TFB2M: variants seen among roughly 807,000 people sequenced by gnomAD.
The protein encoded by TFB2M is dimethyladenosine transferase 2, mitochondrial.
In TFB2M, 44 loss-of-function variants were observed where a neutral mutation model predicts 41.3. The ratio of observed to expected loss-of-function variants is 1.07; its 90% confidence interval spans 0.84 to 1.37. The LOEUF is 1.37. Ranked by LOEUF, TFB2M falls within the 40% of genes most tolerant of loss-of-function variation. The pLI, the probability that TFB2M is intolerant of heterozygous loss-of-function variation, is 0.00. For synonymous variants in TFB2M, 188 were observed against 176.8 expected, an observed-to-expected ratio of 1.06 and a Z score of -0.50; for missense variants, 496 against 490.2, an observed-to-expected ratio of 1.01 and a Z score of -0.11.
At position 246,566,087 on chromosome 1, in the gene TFB2M, C is replaced by A. The variant is rs993386136; in HGVS notation, c.52G>T (p.Ala18Ser). 2 of 1,612,984 alleles carry A rather than the reference C, an allele frequency of 1.2e-6. No homozygotes were observed. The highest frequency in any genetic ancestry group is 1.3e-5 in the African/African-American group (1 of 74,934). Residue 18 changes from alanine to serine, a missense_variant, in exon 1 of 8, where the codon GCG becomes TCG. Ala to Ser is a moderately conservative substitution (Grantham distance 99). Coordinates refer to ENST00000366514, the MANE Select transcript of TFB2M (RefSeq NM_022366.3). ...LPRRLRLSAL[A>S]GAGRFCILGS... ...AAAATGCAAAAGCGACCAGCGCCCG[C>A]CAAGGCGGAGAGCCTCAGCCGCCGA... is the stretch of plus-strand genomic sequence containing the variant.
In TFB2M at chr1:246,545,259, A is replaced by G. The variant is rs534272153; in HGVS notation, c.859-578T>C. On this transcript the variant is annotated intron_variant, in intron 6 of 7. Transcript: ENST00000366514. Reference sequence around the variant, plus strand: ...AAAGAGCAGGCCTGTGGCTGGGTGCAGTGGCTCATGCCCATGATCCCAGCA... The same window carrying G: ...AAAGAGCAGGCCTGTGGCTGGGTGCGGTGGCTCATGCCCATGATCCCAGCA... Among the ~76,000 whole-genome samples the G allele has an allele frequency of 7.2e-5, 11 of 152,044 alleles. No individual in the cohort carries two copies. The South Asian group carries it at 2.3e-3, about 32-fold the overall frequency.
At chr1:246,551,367 A>G in intron 4 of TFB2M, 65 bp from the exon 5 acceptor site, 1 of 1,121,404 alleles carries the variant, frequency 8.9e-7, no homozygotes, top group Non-Finnish European at 1.4e-6. Context: ...ACAAATGCTG[A>G]CTCTTAATAG....
intron 6 of TFB2M, among the ~76,000 whole-genome samples, chr1:246,545,812 G>GAAAAAAA (rs869274564): frequency 1.9e-5 from 1 of 52,726 alleles, no homozygotes; most frequent in Non-Finnish European, 3.7e-5. Flanking sequence ...ACCCTGATTC[G>GAAAAAAA]AAAAAAAAAA....
chr1:246,546,117 C>A (rs3120702), intron 6 of TFB2M, among the ~76,000 whole-genome samples: 39 of 151,182 alleles, frequency 2.6e-4, no homozygotes, highest in African/African-American at 9.2e-4. Flanking sequence ...GAGTTAGCGA[C>A]CAGCCTGGGC....
Position 246,564,510 on chromosome 1 carries a change from G to A in TFB2M, c.314-76C>T, listed in dbSNP as rs1243401552. On this transcript the variant is annotated intron_variant, in intron 1 of 7. Coordinates refer to ENST00000366514, the MANE Select transcript of TFB2M (RefSeq NM_022366.3). ...TTTCAATACCAAACTTTCATTAGAT[G>A]TTTCACACGTTATTACCTGGTTTTT... The A allele has an allele frequency of 3.8e-6, 5 of 1,315,528 alleles. No homozygotes were observed. In the East Asian group the frequency reaches 7.2e-5, roughly 19 times the overall value. The allele number at this position is 1,315,528 out of a possible 1,614,324, so 81.5% of individuals were successfully genotyped here. A position where few individuals can be genotyped will look rare whatever the true frequency, so the allele number is the denominator to read the frequency against.
In TFB2M at chr1:246,565,835, A is replaced by C. The variant is rs758954348; in HGVS notation, c.304T>G (p.Cys102Gly). Residue 102 changes from cysteine (C) to glycine (G), a missense_variant, in exon 1 of 8, where the codon TGC (cysteine) becomes GGC (glycine). Cys to Gly is a radical substitution (Grantham distance 159). Coordinates refer to ENST00000366514, the MANE Select transcript of TFB2M (RefSeq NM_022366.3). ...ATTCAGCTGGACTCACCTGGATTGC[A>C]CTCCAGCAGTAGGTGTGGAGGTCTA... Reference protein sequence around the residue: ...PSRPPHLLLECNPGPGILTQA... With the variant: ...PSRPPHLLLEGNPGPGILTQA... The C allele has an allele frequency of 1.1e-5, 17 of 1,599,554 alleles. No homozygotes were observed. The highest frequency in any genetic ancestry group is 1.4e-5 in the Non-Finnish European group (16 of 1,167,722).
intron 2 of TFB2M, among the ~76,000 whole-genome samples, chr1:246,562,661 C>CTT (rs549675853): frequency 2.2e-4 from 32 of 145,136 alleles, no homozygotes; most frequent in East Asian, 4.0e-4. Flanking sequence ...CCATAGGGAA[C>CTT]TTTTTTTTTT....
intron 4 of TFB2M, among the ~76,000 whole-genome samples, chr1:246,554,178 A>C (rs910369794): frequency 1.3e-5 from 2 of 152,246 alleles, no homozygotes; most frequent in African/African-American, 4.8e-5. Context: ...AATTTACTGA[A>C]AATGGATCAA....
At chr1:246,555,337 C>T (rs1659292957) in intron 4 of TFB2M, among the ~76,000 whole-genome samples, 1 of 152,150 alleles carries the variant, frequency 6.6e-6, no homozygotes, top group Admixed American at 6.5e-5. Flanking sequence ...CCTGTAGTCC[C>T]AACACTTTAG....
chr1:246,557,577 A>T (rs770176331), intron 2 of TFB2M, 43 bp from the exon 3 acceptor site: 1 of 1,492,498 alleles, frequency 6.7e-7, no homozygotes, highest in Non-Finnish European at 9.0e-7. Flanking sequence ...TTTCAGCATT[A>T]AGTATACTTT....
At chr1:246,551,058 C>T (rs1659164027) in intron 5 of TFB2M, among the ~76,000 whole-genome samples, 155 bp downstream of exon 5, 1 of 152,088 alleles carries the variant, frequency 6.6e-6, no homozygotes, top group South Asian at 2.1e-4. Flanking sequence ...GGCTGTAGTC[C>T]CAGCTACTCC....
Position 246,544,574 on chromosome 1 carries a change from G to C in TFB2M, c.966C>G (p.His322Gln). The C allele has an allele frequency of 6.2e-7, 1 of 1,610,368 alleles. No homozygotes were observed. Among genetic ancestry groups the C allele is most frequent in the Non-Finnish European group, 8.5e-7 (1 of 1,179,132 alleles). ...LTPMNYNIFF[H>Q]LLKHCFGRRS... ...GCCTCCCAAAACAGTGCTTTAACAAGTGAAAAAATATATTATAGTTCATAG... is the reference window on the plus strand; with the variant it reads ...GCCTCCCAAAACAGTGCTTTAACAACTGAAAAAATATATTATAGTTCATAG... The change falls in exon 7 of 8, where the codon CAC becomes CAG. Residue 322 changes from histidine to glutamine, a missense_variant. By Grantham distance (24) the His-to-Gln change is conservative (BLOSUM62 0). Transcript: ENST00000366514.
intron 6 of TFB2M, 33 bp downstream of exon 6, chr1:246,548,512 G>A (rs1461145088): frequency 6.4e-7 from 1 of 1,559,732 alleles, no homozygotes; most frequent in Non-Finnish European, 8.7e-7. Context: ...GTCACGTAGG[G>A]AGAAAAAGGA....
intron 7 of TFB2M, among the ~76,000 whole-genome samples, chr1:246,544,221 C>T (rs976409340): frequency 6.6e-6 from 1 of 152,174 alleles, no homozygotes; most frequent in African/African-American, 2.4e-5. Context: ...CTCTCCACCC[C>T]ACTAGTGGTA....
At chr1:246,552,785 T>C (rs551393599) in intron 4 of TFB2M, among the ~76,000 whole-genome samples, 38 of 151,206 alleles carry the variant, frequency 2.5e-4, no homozygotes, top group African/African-American at 7.3e-4. Flanking sequence ...TTAAAACTAA[T>C]AAATTCAGCT....
chr1:246,552,739 A>G (rs893182318), intron 4 of TFB2M, among the ~76,000 whole-genome samples: 19 of 152,106 alleles, frequency 1.2e-4, no homozygotes, highest in Admixed American at 9.2e-4. Context: ...AAAAAAAATA[A>G]TTATAATACC....
At chr1:246,560,472 G>A (rs1030658383) in intron 2 of TFB2M, among the ~76,000 whole-genome samples, 1 of 152,152 alleles carries the variant, frequency 6.6e-6, no homozygotes, top group Non-Finnish European at 1.5e-5. Context: ...GTAGTGAGCT[G>A]TGACTGCAGC....
chr1:246,554,259 T>G (rs1659260944), intron 4 of TFB2M, among the ~76,000 whole-genome samples: 1 of 152,172 alleles, frequency 6.6e-6, no homozygotes, highest in Non-Finnish European at 1.5e-5. Flanking sequence ...AACACTGGAT[T>G]TGGCAATGAT....
At chr1:246,559,463 C>T (rs185791355) in intron 2 of TFB2M, among the ~76,000 whole-genome samples, 4 of 152,130 alleles carry the variant, frequency 2.6e-5, no homozygotes. Flanking sequence ...TGGGAGAAAT[C>T]GCTTGAACCC....
Sources: allele counts gnomAD v4.1 joint callset (sites outside exome capture counted in the v4.1 genomes callset), GRCh38; gene constraint gnomAD v4.1.1; transcripts MANE v1.5; gene names NCBI Gene and HGNC (gene_info 2026-07-23, HGNC 2026-07-21).